Variants in ALX4 observed in about 807,000 individuals in gnomAD.
The protein encoded by ALX4 is ALX homeobox 4, also known as homeobox protein aristaless-like 4.
Under a neutral mutation model 40.6 loss-of-function variants are expected in ALX4, and 22 were observed. The observed-to-expected ratio is 0.54, with a 90% CI of 0.39 to 0.77. The LOEUF is 0.77. Ranked by LOEUF, ALX4 falls within the 30% of genes least tolerant of loss-of-function variation. The pLI, the probability that ALX4 is intolerant of heterozygous loss-of-function variation, is 0.00. For synonymous variants in ALX4, 266 were observed against 240.5 expected, an observed-to-expected ratio of 1.11 and a Z score of -0.98; for missense variants, 556 against 564.8, an observed-to-expected ratio of 0.98 and a Z score of 0.16.
rs576693004 is a variant in ALX4 at position 44,264,716 on chromosome 11, G to A, written c.*138C>T. The A allele has an allele frequency of 4.2e-5, 41 of 965,138 alleles. No homozygotes were observed. Among genetic ancestry groups the A allele is most frequent in the Admixed American group, 7.4e-5 (3 of 40,398 alleles). 59.8% of individuals were successfully genotyped at this position (965,138 alleles called of 1,614,324 possible). A position where few individuals can be genotyped will look rare whatever the true frequency, so the allele number is the denominator to read the frequency against. The stretch of plus-strand genomic sequence containing the variant: ...CAGTCCACGGGGCCTCAGACTTGGG[G>A]CGGCTGAAAGTGCTGAGGGTCAGGC... On this transcript the variant is annotated 3_prime_UTR_variant, in exon 4 of 4. Transcript: ENST00000652299.
chr11:44,297,087 G>C (rs993770224), intron 1 of ALX4, among the ~76,000 whole-genome samples: 2 of 151,618 alleles, frequency 1.3e-5, no homozygotes, highest in African/African-American at 4.9e-5. Context: ...TCACTTGGGT[G>C]GGGGGTCAAG....
chr11:44,275,776 T>A, intron 1 of ALX4, 118 bp from the exon 2 acceptor site: 1 of 962,752 alleles, frequency 1.0e-6, no homozygotes, highest in Non-Finnish European at 1.5e-6. Context: ...CTCTTAGAGC[T>A]CATTGGATGC....
chr11:44,270,997 C>T (rs905153572), intron 2 of ALX4, among the ~76,000 whole-genome samples: 1 of 152,210 alleles, frequency 6.6e-6, no homozygotes, highest in African/African-American at 2.4e-5. Context: ...CAGGGCCAAA[C>T]CCTAGGCTTC....
In ALX4 at chr11:44,273,190, TAAA is replaced by T. The variant is rs35856858; in HGVS notation, c.777+2155_777+2157del. Among the ~76,000 whole-genome samples the T allele has an allele frequency of 8.4e-3, 1,152 of 137,578 alleles. 14 individuals carry two copies. The highest frequency in any genetic ancestry group is 0.02 in the African/African-American group (758 of 37,204). The allele number at this position is 137,578 out of a possible 152,430, so 90.3% of individuals were successfully genotyped here. ...CTGAGCTGCATGGCGCTTTGCTGAT[TAAA>T]AAAAAAAAAAAAAAAAAGATTTCTC... On this transcript the variant is annotated intron_variant, in intron 2 of 3. Coordinates refer to ENST00000652299, the MANE Select transcript of ALX4 (RefSeq NM_021926.4).
At chr11:44,286,719 C>G (rs1267382841) in intron 1 of ALX4, among the ~76,000 whole-genome samples, 1 of 152,164 alleles carries the variant, frequency 6.6e-6, no homozygotes, top group Non-Finnish European at 1.5e-5. Context: ...GGGGTCTTTC[C>G]TCCCCTAGTT....
intron 1 of ALX4, among the ~76,000 whole-genome samples, chr11:44,288,251 C>G (rs1956350442): frequency 6.6e-6 from 1 of 152,034 alleles, no homozygotes; most frequent in Admixed American, 6.5e-5. Context: ...CATACATAAA[C>G]AGAGCATATG....
intron 1 of ALX4, among the ~76,000 whole-genome samples, chr11:44,300,104 A>G (rs948838582): frequency 6.6e-6 from 1 of 152,178 alleles, no homozygotes; most frequent in South Asian, 2.1e-4. Flanking sequence ...CTGGCATCCC[A>G]GACTCTTAAC....
At chr11:44,302,680 T>C (rs1046539553) in intron 1 of ALX4, among the ~76,000 whole-genome samples, 1 of 152,128 alleles carries the variant, frequency 6.6e-6, no homozygotes, top group Middle Eastern at 3.2e-3. Flanking sequence ...ACCCCCTCCC[T>C]ATTTGCATCC....
At chr11:44,276,672 A>G (rs1956279937) in intron 1 of ALX4, among the ~76,000 whole-genome samples, 1 of 152,210 alleles carries the variant, frequency 6.6e-6, no homozygotes, top group Admixed American at 6.5e-5. Flanking sequence ...GGCACCAGGG[A>G]CTGGTTTTGT....
intron 1 of ALX4, among the ~76,000 whole-genome samples, chr11:44,291,486 G>T (rs1393803326): frequency 6.6e-6 from 1 of 151,846 alleles, no homozygotes; most frequent in Non-Finnish European, 1.5e-5. Flanking sequence ...TCGGCTCACT[G>T]CAACCTCCGC....
intron 2 of ALX4, among the ~76,000 whole-genome samples, chr11:44,269,292 G>C (rs963830519): frequency 6.6e-6 from 1 of 152,272 alleles, no homozygotes; most frequent in Non-Finnish European, 1.5e-5. Flanking sequence ...AGGGGAGATA[G>C]ATGGGAAATG....
In ALX4 at chr11:44,308,235, A is replaced by T. The variant is rs188190613; in HGVS notation, c.466+1362T>A. On this transcript the variant is annotated intron_variant, in intron 1 of 3. Coordinates refer to ENST00000652299, the MANE Select transcript of ALX4 (RefSeq NM_021926.4). Reference sequence around the variant, plus strand: ...GTAGAGTGCAATTGTAGACAAGCATATGACTGTGAATGTTTGTCAGCAGCC... The same window carrying T: ...GTAGAGTGCAATTGTAGACAAGCATTTGACTGTGAATGTTTGTCAGCAGCC... Among the ~76,000 whole-genome samples the T allele has an allele frequency of 5.4e-3, 820 of 152,322 alleles. 8 individuals carry two copies. The highest frequency in any genetic ancestry group is 0.019 in the African/African-American group (774 of 41,554).
chr11:44,302,180 G>A lies in ALX4; in HGVS notation c.466+7417C>T, dbSNP rs72909926. ...AGAGAAGCTCCAGAGCCGTGCACAC[G>A]GGTACTCACCCTTGCACACCTGAGG... On this transcript the variant is annotated intron_variant, in intron 1 of 3. Coordinates refer to ENST00000652299, the MANE Select transcript of ALX4 (RefSeq NM_021926.4). 8.9e-3 allele frequency among the ~76,000 whole-genome samples: 1,362 copies of A among 152,186 alleles called. 11 individuals carry two copies. The highest frequency in any genetic ancestry group is 0.015 in the Non-Finnish European group (987 of 68,008).
Position 44,264,803 on chromosome 11 carries a change from A to G in ALX4, c.*51T>C. On this transcript the variant is annotated 3_prime_UTR_variant, in exon 4 of 4. Transcript: ENST00000652299. ...GTGGGAGGCTGGGGGCCTGGAAAAC[A>G]TGGGCGTGGCCCATGGTGTCCCGAG... is the stretch of plus-strand genomic sequence containing the variant. The G allele has an allele frequency of 6.3e-7, 1 of 1,598,296 alleles. No homozygotes were observed. Among genetic ancestry groups the G allele is most frequent in the South Asian group, 1.1e-5 (1 of 90,194 alleles).
chr11:44,309,731 T>G lies in ALX4; in HGVS notation c.332A>C (p.Gln111Pro), dbSNP rs759611855. The change falls in exon 1 of 4, where the codon CAG (glutamine) becomes CCG (proline). Residue 111 changes from glutamine to proline, a missense_variant. Transcript: ENST00000652299. ...PPPQPQPQQQ[Q>P]PQPQPPAQPH... ...TTGCGCGGGCGGCTGGGGCTGCGGCTGCTGCTGCTGCGGCTGCGGCTGCGG... is the reference window on the plus strand; with the variant it reads ...TTGCGCGGGCGGCTGGGGCTGCGGCGGCTGCTGCTGCGGCTGCGGCTGCGG... 21 of 1,552,428 alleles carry G rather than the reference T, an allele frequency of 1.4e-5. No individual in the cohort carries two copies. The highest frequency in any genetic ancestry group is 1.6e-5 in the Non-Finnish European group (18 of 1,149,668).
chr11:44,310,110 G>A lies in ALX4; in HGVS notation c.-48C>T, dbSNP rs1408451372. The A allele has an allele frequency of 2.6e-6, 4 of 1,531,720 alleles. No homozygotes were observed. Among genetic ancestry groups the A allele is most frequent in the African/African-American group, 2.7e-5 (2 of 73,100 alleles). The allele number at this position is 1,531,720 out of a possible 1,614,324, so 94.9% of individuals were successfully genotyped here. ...GCGGGGACGCGAGCGAGGGCGCGAG[G>A]ACGCCACCGCGCGCCTTGGCTGGGA... On this transcript the variant is annotated 5_prime_UTR_variant, in exon 1 of 4. Transcript: ENST00000652299.
intron 1 of ALX4, among the ~76,000 whole-genome samples, chr11:44,275,946 G>A (rs956136336): frequency 3.3e-5 from 5 of 152,170 alleles, no homozygotes; most frequent in African/African-American, 4.8e-5. Flanking sequence ...TCTGACCTCT[G>A]TGACCTTTAA....
intron 1 of ALX4, among the ~76,000 whole-genome samples, chr11:44,292,334 T>G (rs1956374329): frequency 6.6e-6 from 1 of 151,264 alleles, no homozygotes; most frequent in South Asian, 2.1e-4. Flanking sequence ...GCCTCCTGAG[T>G]AGCTGGTACT....
chr11:44,299,379 T>G (rs1956422254), intron 1 of ALX4, among the ~76,000 whole-genome samples: 1 of 135,402 alleles, frequency 7.4e-6, no homozygotes, highest in Non-Finnish European at 1.6e-5. Flanking sequence ...TTTTTTTTTG[T>G]GAGATGGATC....
Sources: allele counts gnomAD v4.1 joint callset (sites outside exome capture counted in the v4.1 genomes callset), GRCh38; gene constraint gnomAD v4.1.1; transcripts MANE v1.5; gene names NCBI Gene and HGNC (gene_info 2026-07-23, HGNC 2026-07-21).